Variants in LRP10 observed in about 807,000 individuals in gnomAD.
LRP10 encodes low-density lipoprotein receptor-related protein 10.
LRP10 carries 42 observed loss-of-function variants against 58.5 expected under a neutral mutation model. The ratio of observed to expected loss-of-function variants is 0.72; its 90% CI spans 0.56 to 0.93. The LOEUF is 0.93. LRP10 is among the 40% of genes least tolerant of loss of function. The probability of loss-of-function intolerance (pLI) is 0.00; values close to 1 mark genes in which losing one functional copy is unlikely to be tolerated. For synonymous variants in LRP10, 377 were observed against 388.5 expected (o/e 0.97, Z 0.35); for missense variants, 872 against 940.1 (o/e 0.93, Z 0.95).
At position 22,876,560 on chromosome 14, in the gene LRP10, C is replaced by T. The variant is rs570740262; in HGVS notation, c.1425-129C>T. ...TCAAGGGAGGAGGGACCTCAGATGA[C>T]CTTTGGGAAAGCCATGGCACAGCTC... On this transcript the variant is annotated intron_variant, in intron 5 of 6. Transcript: ENST00000359591. 14 of 1,405,572 alleles carry T rather than the reference C, an allele frequency of 1.0e-5. No homozygotes were observed. In the South Asian group the frequency reaches 1.4e-4, roughly 15 times the overall value. The allele number at this position is 1,405,572 out of a possible 1,614,324, so 87.1% of individuals were successfully genotyped here.
Position 22,877,800 on chromosome 14 carries a change from G to A in LRP10, c.*273G>A. On this transcript the variant is annotated 3_prime_UTR_variant, in exon 7 of 7. Coordinates refer to ENST00000359591, the MANE Select transcript of LRP10 (RefSeq NM_014045.5). The surrounding 1 kb of genome is among the most constrained non-coding windows in gnomAD (Gnocchi z 5.1). ...CCTGCTCCCCACGCCACCACCATTT[G>A]GGTGGCTGTTTTTAAAAAGTAAAGT... is the stretch of plus-strand genomic sequence containing the variant. 2.8e-6 allele frequency: 1 copy of A among 363,038 alleles called. No homozygotes were observed. Among genetic ancestry groups the A allele is most frequent in the Non-Finnish European group, 4.9e-6 (1 of 202,978 alleles). 22.5% of individuals were successfully genotyped at this position (363,038 alleles called of 1,614,324 possible).
At position 22,875,559 on chromosome 14, in the gene LRP10, C is replaced by T. The variant is rs779751334; in HGVS notation, c.611C>T (p.Ser204Phe). The T allele has an allele frequency of 5.6e-6, 9 of 1,614,086 alleles. No individual in the cohort carries two copies. In the Admixed American group the frequency reaches 8.3e-5, roughly 15 times the overall value. The change falls in exon 5 of 7, where the codon TCC becomes TTC. Residue 204 changes from serine (S) to phenylalanine (F), a missense_variant. By Grantham distance (155) the Ser-to-Phe change is radical (BLOSUM62 -2). Coordinates refer to ENST00000359591, the MANE Select transcript of LRP10 (RefSeq NM_014045.5). ...VTLEDFYGVF[S>F]SPGYTHLASV... is the part of the protein sequence containing the mutation. ...TTGGAGGACTTCTATGGGGTCTTCT[C>T]CTCTCCTGGATATACACACCTAGCC...
In LRP10 at chr14:22,877,621, T is replaced by A; in HGVS notation, c.*94T>A. 1 of 915,436 alleles carries A rather than the reference T, an allele frequency of 1.1e-6. No homozygotes were observed. The highest frequency in any genetic ancestry group is 1.6e-6 in the Non-Finnish European group (1 of 630,754). The allele number at this position is 915,436 out of a possible 1,614,324, so 56.7% of individuals were successfully genotyped here. A position where few individuals can be genotyped will look rare whatever the true frequency, so the allele number is the denominator to read the frequency against. ...GGTGGGTCAGCCTCCCCTCCACCAC[T>A]TCCTTCCCTGTCCCTGGATTTCAGG... On this transcript the variant is annotated 3_prime_UTR_variant, in exon 7 of 7. Coordinates refer to ENST00000359591, the MANE Select transcript of LRP10 (RefSeq NM_014045.5). The surrounding 1 kb of genome is among the most constrained non-coding windows in gnomAD (Gnocchi z 5.1).
Position 22,872,335 on chromosome 14 carries a change from T to C in LRP10, c.32T>C (p.Leu11Pro), listed in dbSNP as rs746886072. 2 of 1,613,912 alleles carry C rather than the reference T, an allele frequency of 1.2e-6. No homozygotes were observed. Among genetic ancestry groups the C allele is most frequent in the African/African-American group, 1.3e-5 (1 of 74,978 alleles). Residue 11 changes from leucine to proline, a missense_variant and splice_region_variant, in exon 1 of 7, where the codon CTT (leucine) becomes CCT (proline). Physicochemically the swap from Leu to Pro is moderately conservative, Grantham distance 98. Coordinates refer to ENST00000359591, the MANE Select transcript of LRP10 (RefSeq NM_014045.5). MLLATLLLLLLGGALAHPDRI... is the reference protein window; with the variant it reads MLLATLLLLLPGGALAHPDRI... ...TTGGCCACCCTCCTCCTCCTCCTCC[T>C]TGGTAAGAACCGAAACGATACCAAC...
intron 1 of LRP10, 147 bp downstream of exon 1, chr14:22,872,484 A>G: frequency 6.6e-6 from 5 of 756,048 alleles, no homozygotes; most frequent in Non-Finnish European, 9.8e-6. Context: ...CCCAACCCCC[A>G]GGAAGTCTTC....
intron 1 of LRP10, 31 bp from the exon 2 acceptor site, chr14:22,872,707 A>G (rs764257468): frequency 3.7e-6 from 6 of 1,612,350 alleles, no homozygotes; most frequent in African/African-American, 1.3e-5. Flanking sequence ...GGAGTGTCTC[A>G]CGCTCCTGCC....
chr14:22,873,455 C>T lies in LRP10; in HGVS notation c.215+9C>T. The stretch of plus-strand genomic sequence containing the variant: ...CAGACTGTCACCATCAGGTGAGAAG[C>T]AGAACAAGAGCAAGAACCCATTCTT... On this transcript the variant is annotated intron_variant, in intron 3 of 6. Coordinates refer to ENST00000359591, the MANE Select transcript of LRP10 (RefSeq NM_014045.5). The T allele has an allele frequency of 2.5e-6, 4 of 1,613,910 alleles. No homozygotes were observed. The highest frequency in any genetic ancestry group is 3.4e-6 in the Non-Finnish European group (4 of 1,179,912).
chr14:22,872,623 C>T, intron 1 of LRP10, 115 bp from the exon 2 acceptor site: 1 of 1,019,178 alleles, frequency 9.8e-7, no homozygotes, highest in South Asian at 1.4e-5. Flanking sequence ...GCCCCCCACT[C>T]CCTCTTCCGA....
chr14:22,876,325 C>T lies in LRP10; in HGVS notation c.1377C>T (p.Ala459=). The T allele has an allele frequency of 6.2e-7, 1 of 1,614,068 alleles. No individual in the cohort carries two copies. The highest frequency in any genetic ancestry group is 8.5e-7 in the Non-Finnish European group (1 of 1,180,038). Residue 459 remains alanine (A), a synonymous_variant, in exon 5 of 7, where the codon GCC becomes GCT. Coordinates refer to ENST00000359591, the MANE Select transcript of LRP10 (RefSeq NM_014045.5). Reference sequence around the variant, plus strand: ...TGTGCGGCCTGCTCCTGGTCATCGCCCTGGGCTGCACCTGCAAGCTCTATG... The same window carrying T: ...TGTGCGGCCTGCTCCTGGTCATCGCTCTGGGCTGCACCTGCAAGCTCTATG... ...SLVCGLLLVI[A]LGCTCKLYAI...
At position 22,875,467 on chromosome 14, in the gene LRP10, T is replaced by A; in HGVS notation, c.519T>A (p.Gly173=). ...GTGGCGATGGCTCTGATGAAGCAGG[T>A]TGCAGCTCAGACCCCTTCCCTGGCC... is the stretch of plus-strand genomic sequence containing the variant. ...DACGDGSDEA[G]CSSDPFPGLT... is the part of the protein sequence containing the mutation. The change falls in exon 5 of 7, where the codon GGT becomes GGA. Residue 173 remains glycine, a synonymous_variant. Transcript: ENST00000359591. The A allele has an allele frequency of 6.2e-7, 1 of 1,614,186 alleles. No individual in the cohort carries two copies.
At position 22,872,178 on chromosome 14, in the gene LRP10, C is replaced by T; in HGVS notation, c.-126C>T. ...CCTGGCATCCAGAGTACGGGTCGAG[C>T]CCGGGCCATGGAGCCCCCCTGGGGA... On this transcript the variant is annotated 5_prime_UTR_variant, in exon 1 of 7. Coordinates refer to ENST00000359591, the MANE Select transcript of LRP10 (RefSeq NM_014045.5). 1.0e-6 allele frequency: 1 copy of T among 979,558 alleles called. No individual in the cohort carries two copies. Among genetic ancestry groups the T allele is most frequent in the Non-Finnish European group, 1.6e-6 (1 of 611,704 alleles). 60.7% of individuals were successfully genotyped at this position (979,558 alleles called of 1,614,324 possible). A position where few individuals can be genotyped will look rare whatever the true frequency, so the allele number is the denominator to read the frequency against.
rs1312426099 is a variant in LRP10, at chr14:22,881,210, A to G, written c.*3683A>G. Reference sequence around the variant, plus strand: ...TCGTTCCAAATCTCACCCTTGTCCCACCATTCCATGGGACCTCCCATTCCT... The same window carrying G: ...TCGTTCCAAATCTCACCCTTGTCCCGCCATTCCATGGGACCTCCCATTCCT... On this transcript the variant is annotated 3_prime_UTR_variant, in exon 7 of 7. Transcript: ENST00000359591. 6.6e-6 allele frequency: 1 copy of G among 152,022 alleles called. No individual in the cohort carries two copies. Among genetic ancestry groups the G allele is most frequent in the Non-Finnish European group, 1.5e-5 (1 of 68,010 alleles). 9.4% of individuals were successfully genotyped at this position (152,022 alleles called of 1,614,324 possible). A position where few individuals can be genotyped will look rare whatever the true frequency, so the allele number is the denominator to read the frequency against.
rs373424688 is a variant in LRP10 at position 22,876,697 on chromosome 14, C to T, written c.1433C>T (p.Ala478Val). 1.9e-6 allele frequency: 3 copies of T among 1,613,362 alleles called. No homozygotes were observed. Among genetic ancestry groups the T allele is most frequent in the Non-Finnish European group, 2.5e-6 (3 of 1,179,634 alleles). ...AIRTQEYSIFAPLSRMEAEIV... is the reference protein window; with the variant it reads ...AIRTQEYSIFVPLSRMEAEIV... ...GTCCTCATTCCTTCTAGCATCTTTG[C>T]CCCCCTCTCCCGGATGGAGGCTGAG... The change falls in exon 6 of 7, where the codon GCC becomes GTC. Residue 478 changes from alanine to valine, a missense_variant. Physicochemically the swap from Ala to Val is moderately conservative, Grantham distance 64 (BLOSUM62 0). Coordinates refer to ENST00000359591, the MANE Select transcript of LRP10 (RefSeq NM_014045.5).
chr14:22,875,728 A>C lies in LRP10; in HGVS notation c.780A>C (p.Arg260=), dbSNP rs1595029939. ...GCCCTGGGCCCCCTGAGAGCTCCCG[A>C]CTACTGCGTAGTCTCACCCACTTCA... ...YDGPGPPESS[R]LLRSLTHFSN... The change falls in exon 5 of 7, where the codon CGA becomes CGC. Residue 260 remains arginine, a synonymous_variant. Coordinates refer to ENST00000359591, the MANE Select transcript of LRP10 (RefSeq NM_014045.5). The C allele has an allele frequency of 6.2e-7, 1 of 1,613,822 alleles. No individual in the cohort carries two copies. The highest frequency in any genetic ancestry group is 8.5e-7 in the Non-Finnish European group (1 of 1,179,772).
rs2040023309 is a variant in LRP10, at chr14:22,877,674, T to A, written c.*147T>A. The A allele has an allele frequency of 1.7e-6, 1 of 598,928 alleles. No individual in the cohort carries two copies. The highest frequency in any genetic ancestry group is 2.9e-6 in the Non-Finnish European group (1 of 350,288). The allele number at this position is 598,928 out of a possible 1,614,324, so 37.1% of individuals were successfully genotyped here. On this transcript the variant is annotated 3_prime_UTR_variant, in exon 7 of 7. Coordinates refer to ENST00000359591, the MANE Select transcript of LRP10 (RefSeq NM_014045.5). The surrounding 1 kb of genome is among the most constrained non-coding windows in gnomAD (Gnocchi z 5.1). ...CTTGGTGGGCCTCCCGTTGACCCTATGTAGCTGCTATAAAGTTAAGTGTCC... is the reference window on the plus strand; with the variant it reads ...CTTGGTGGGCCTCCCGTTGACCCTAAGTAGCTGCTATAAAGTTAAGTGTCC...
At chr14:22,873,021 TC>T in intron 2 of LRP10, 1 of 601,866 alleles carries the variant, frequency 1.7e-6, no homozygotes, top group East Asian at 2.8e-5. Flanking sequence ...GGATGTAGTC[TC>T]CCTGAGGGTA....
Position 22,877,002 on chromosome 14 carries a change from A to T in LRP10, c.1617A>T (p.Gly539=). The stretch of plus-strand genomic sequence containing the variant: ...TCTTACGCCAGGATATGACTCCAGG[A>T]GGTGGCCCAGGTGCCCGCCGTCGTC... ...LQILRQDMTP[G]GGPGARRRQR... is the part of the protein sequence containing the mutation. Residue 539 remains glycine (G), a synonymous_variant, in exon 7 of 7, where the codon GGA becomes GGT. Coordinates refer to ENST00000359591, the MANE Select transcript of LRP10 (RefSeq NM_014045.5). The surrounding 1 kb of genome is among the most constrained non-coding windows in gnomAD (Gnocchi z 5.1). 6.2e-7 allele frequency: 1 copy of T among 1,610,724 alleles called. No homozygotes were observed. The highest frequency in any genetic ancestry group is 1.1e-5 in the South Asian group (1 of 90,606).
intron 1 of LRP10, 102 bp from the exon 2 acceptor site, chr14:22,872,636 A>T (rs2039967590): frequency 2.6e-6 from 3 of 1,170,658 alleles, no homozygotes; most frequent in Non-Finnish European, 3.7e-6. Flanking sequence ...TCTTCCGATT[A>T]ACTGCCCGGA....
At position 22,877,028 on chromosome 14, in the gene LRP10, A is replaced by C. The variant is rs755756828; in HGVS notation, c.1643A>C (p.Gln548Pro). The change falls in exon 7 of 7, where the codon CAG becomes CCG. Residue 548 changes from glutamine (Q) to proline (P), a missense_variant. Gln to Pro is a moderately conservative substitution (Grantham distance 76). Coordinates refer to ENST00000359591, the MANE Select transcript of LRP10 (RefSeq NM_014045.5). This position sits in a 1 kb window ranked among gnomAD's most constrained non-coding sequence, Gnocchi z 5.1. ...PGGGPGARRR[Q>P]RGRLMRRLVR... ...GGTGGCCCAGGTGCCCGCCGTCGTC[A>C]GCGGGGCCGCTTGATGCGACGCCTG... 6.2e-7 allele frequency: 1 copy of C among 1,613,226 alleles called. No homozygotes were observed. The highest frequency in any genetic ancestry group is 1.3e-5 in the African/African-American group (1 of 74,914).
Sources: allele counts gnomAD v4.1 joint callset, GRCh38; gene constraint gnomAD v4.1.1; non-coding constraint Gnocchi (gnomAD v3.1); transcripts MANE v1.5; gene names NCBI Gene and HGNC (gene_info 2026-07-23, HGNC 2026-07-21).